THSD4: variants seen among roughly 807,000 people sequenced by gnomAD.
The protein encoded by THSD4 is thrombospondin type-1 domain-containing protein 4.
A neutral mutation model predicts 119.0 loss-of-function variants in THSD4; 69 were observed. That is an observed-to-expected ratio of 0.58 (90% CI 0.48 to 0.71). THSD4 has a LOEUF of 0.71. Ranked by LOEUF, THSD4 falls within the 30% of genes least tolerant of loss-of-function variation. THSD4 has a pLI of 0.00. For missense variants in THSD4, 1,393 were observed against 1,391.1 expected, an observed-to-expected ratio of 1.00 and a Z score of -0.02; for synonymous variants, 524 against 540.4, an observed-to-expected ratio of 0.97 and a Z score of 0.42.
intron 6 of THSD4, among the ~76,000 whole-genome samples, chr15:71,389,807 G>GTTTTTTTT (rs1237701264): frequency 6.3e-4 from 29 of 46,200 alleles, no homozygotes; most frequent in Non-Finnish European, 9.2e-4. Context: ...TATTTTCTGG[G>GTTTTTTTT]TTGTTTTTTT....
At chr15:71,476,772 A>T (rs1251898629) in intron 7 of THSD4, among the ~76,000 whole-genome samples, 1 of 152,232 alleles carries the variant, frequency 6.6e-6, no homozygotes, top group African/African-American at 2.4e-5. Context: ...TTCAAGAAAC[A>T]GTGCAGCCCA....
chr15:71,724,355 G>A lies in THSD4; in HGVS notation c.1358-4194G>A, dbSNP rs186329070. On this transcript the variant is annotated intron_variant, in intron 8 of 17. Coordinates refer to ENST00000261862, the MANE Select transcript of THSD4 (RefSeq NM_024817.3). ...GGCTGGAGTGCAGTGGCGTGGTCTC[G>A]GCTCACTGCAAGCTCCGCCTCCTGG... Among the ~76,000 whole-genome samples the A allele has an allele frequency of 7.9e-3, 1,159 of 146,798 alleles. 27 individuals are homozygous for A. Among genetic ancestry groups the A allele is most frequent in the Admixed American group, 0.042 (601 of 14,188 alleles).
At chr15:71,687,382 G>A (rs761762578) in intron 8 of THSD4, among the ~76,000 whole-genome samples, 2 of 152,180 alleles carry the variant, frequency 1.3e-5, no homozygotes, top group Non-Finnish European at 2.9e-5. Flanking sequence ...CCTCCTGACA[G>A]CACTTTCTGT....
At chr15:71,567,602 C>CCCCACA (rs201007082) in intron 7 of THSD4, among the ~76,000 whole-genome samples, 1 of 142,504 alleles carries the variant, frequency 7.0e-6, no homozygotes, top group Non-Finnish European at 1.6e-5. Context: ...AGACACCCCC[C>CCCCACA]CACACACACA....
intron 7 of THSD4, among the ~76,000 whole-genome samples, chr15:71,541,590 T>A (rs2048760851): frequency 6.6e-6 from 1 of 152,230 alleles, no homozygotes; most frequent in African/African-American, 2.4e-5. Flanking sequence ...ACTCAATAAA[T>A]CTTGGATATG....
At chr15:71,566,156 C>CTTTTTTTTTTTTTTTTTTTTTT (rs58827489) in intron 7 of THSD4, among the ~76,000 whole-genome samples, 1 of 141,782 alleles carries the variant, frequency 7.1e-6, no homozygotes, top group Non-Finnish European at 1.5e-5. Flanking sequence ...TTCTTTTTTT[C>CTTTTTTTTTTTTTTTTTTTTTT]TTTTTTTTTT....
At chr15:71,157,219 A>G (rs1041979810) in intron 3 of THSD4, among the ~76,000 whole-genome samples, 1 of 152,190 alleles carries the variant, frequency 6.6e-6, no homozygotes, top group Non-Finnish European at 1.5e-5. Flanking sequence ...CGTAACCTGA[A>G]CAAAAGGTCC....
At chr15:71,294,290 G>C (rs1005385944) in intron 6 of THSD4, among the ~76,000 whole-genome samples, 1 of 152,170 alleles carries the variant, frequency 6.6e-6, no homozygotes, top group African/African-American at 2.4e-5. Context: ...GTCTAGCTCA[G>C]TTACCAGGAG....
chr15:71,735,848 C>T (rs542228076), intron 10 of THSD4, among the ~76,000 whole-genome samples: 2 of 150,506 alleles, frequency 1.3e-5, no homozygotes, highest in South Asian at 2.1e-4. Flanking sequence ...CTCTTTCGCT[C>T]TCTGTCTCTC....
intron 7 of THSD4, among the ~76,000 whole-genome samples, chr15:71,430,322 T>A (rs1206553662): frequency 1.3e-5 from 2 of 152,208 alleles, no homozygotes; most frequent in African/African-American, 4.8e-5. Context: ...ATGAGACTAA[T>A]TTGTTTGTAA....
chr15:71,126,337 C>G (rs542632194), intron 1 of THSD4, among the ~76,000 whole-genome samples: 62 of 152,256 alleles, frequency 4.1e-4, no homozygotes, highest in African/African-American at 1.5e-3. Context: ...AGCTGGAACT[C>G]CCACCTCTAC....
At chr15:71,231,114 C>T (rs553331243) in intron 4 of THSD4, among the ~76,000 whole-genome samples, 3 of 152,356 alleles carry the variant, frequency 2.0e-5, no homozygotes, top group South Asian at 4.1e-4. Flanking sequence ...ACCCAGATCA[C>T]TCTGATGCAC....
intron 3 of THSD4, among the ~76,000 whole-genome samples, chr15:71,199,716 T>TGTGTGTGTGTA (rs1172403633): frequency 0.03 from 3,983 of 134,224 alleles, 109 homozygotes; most frequent in African/African-American, 0.055. Flanking sequence ...GGGTGTGTGG[T>TGTGTGTGTGTA]GTGTGTGTGT....
chr15:71,197,620 C>T (rs988932069), intron 3 of THSD4, among the ~76,000 whole-genome samples: 10 of 152,130 alleles, frequency 6.6e-5, no homozygotes, highest in South Asian at 2.1e-4. Flanking sequence ...CCCCAGGCTG[C>T]TCCAAGGCTT....
chr15:71,211,053 T>C (rs1163074436), intron 3 of THSD4, among the ~76,000 whole-genome samples: 2 of 152,186 alleles, frequency 1.3e-5, no homozygotes, highest in Non-Finnish European at 2.9e-5. Context: ...GTGATAGGTA[T>C]TGCAAAGTTC....
chr15:71,656,505 T>A (rs11072318), intron 7 of THSD4, among the ~76,000 whole-genome samples: 60,720 of 152,048 alleles, frequency 0.4, 13,020 homozygotes, highest in East Asian at 0.9. Flanking sequence ...TTGGTCCCTC[T>A]TAATCCTGCA....
intron 6 of THSD4, among the ~76,000 whole-genome samples, chr15:71,258,394 A>T (rs747767408): frequency 1.3e-5 from 2 of 151,940 alleles, no homozygotes; most frequent in African/African-American, 2.4e-5. Context: ...GGCCAGGCTG[A>T]CCTCGAACTC....
At chr15:71,490,138 A>G (rs1402551185) in intron 7 of THSD4, among the ~76,000 whole-genome samples, 1 of 152,196 alleles carries the variant, frequency 6.6e-6, no homozygotes, top group Admixed American at 6.5e-5. Context: ...ACTTTTAAAA[A>G]TTATAGGCCA....
intron 3 of THSD4, among the ~76,000 whole-genome samples, chr15:71,205,954 ACCTCCTCCT>A (rs897222310): frequency 6.7e-6 from 1 of 149,460 alleles, no homozygotes; most frequent in Admixed American, 6.7e-5. Flanking sequence ...GCTCACTGCA[ACCTCCTCCT>A]CCTTGCTTGA....
Sources: gnomAD v4.1 joint callset for allele counts (sites outside exome capture counted in the v4.1 genomes callset) on GRCh38, gnomAD v4.1.1 for gene constraint, MANE v1.5 for transcripts, NCBI Gene and HGNC (gene_info 2026-07-23, HGNC 2026-07-21) for gene names.